AGBL1: variants seen among roughly 807,000 people sequenced by gnomAD.
The protein encoded by AGBL1 is AGBL carboxypeptidase 1.
Under a neutral mutation model 118.9 loss-of-function variants are expected in AGBL1, and 130 were observed. That is an observed-to-expected ratio of 1.09 (90% CI 0.95 to 1.26). AGBL1 has a LOEUF of 1.26. Among genes scored for constraint, AGBL1 ranks in the 50% most tolerant of loss-of-function variants. The pLI is 0.00. For synonymous variants in AGBL1, 555 were observed against 478.9 expected (o/e 1.16, Z -2.08); for missense variants, 1,584 against 1,298.1 (o/e 1.22, Z -3.38).
At chr15:86,976,007 T>A (rs2081173139) in intron 23 of AGBL1, among the ~76,000 whole-genome samples, 1 of 152,146 alleles carries the variant, frequency 6.6e-6, no homozygotes, top group South Asian at 2.1e-4. Context: ...AATGAATAAC[T>A]GAGTAAATAA....
intron 22 of AGBL1, among the ~76,000 whole-genome samples, chr15:86,805,199 T>C (rs759896206): frequency 1.3e-5 from 2 of 152,060 alleles, no homozygotes; most frequent in African/African-American, 2.4e-5. Flanking sequence ...TTTTCTTTTT[T>C]TTTTTCCTAT....
At chr15:86,846,971 T>A (rs2079328699) in intron 22 of AGBL1, among the ~76,000 whole-genome samples, 1 of 152,232 alleles carries the variant, frequency 6.6e-6, no homozygotes, top group Non-Finnish European at 1.5e-5. Flanking sequence ...CTTTTTATTC[T>A]CTGTTCTTCA....
Position 86,374,551 on chromosome 15 carries a change from T to C in AGBL1, c.2375-22815T>C, listed in dbSNP as rs116549370. On this transcript the variant is annotated intron_variant, in intron 17 of 22. Transcript: ENST00000614907. Reference sequence around the variant, plus strand: ...GTCCCTCTGGCCATGACAACAATGATTGGAGTTAGAGCACAGTCTGTGGAA... The same window carrying C: ...GTCCCTCTGGCCATGACAACAATGACTGGAGTTAGAGCACAGTCTGTGGAA... Among the ~76,000 whole-genome samples, 266 of 152,304 alleles carry C rather than the reference T, an allele frequency of 1.7e-3. 1 individual carries two copies. The highest frequency in any genetic ancestry group is 6.0e-3 in the African/African-American group (248 of 41,566).
intron 23 of AGBL1, among the ~76,000 whole-genome samples, chr15:86,963,770 C>T (rs1311026054): frequency 6.6e-6 from 1 of 151,736 alleles, no homozygotes; most frequent in Non-Finnish European, 1.5e-5. Context: ...AACCACTGTT[C>T]AATGATTTTT....
In AGBL1 at chr15:86,641,082, G is replaced by C. The variant is rs558479189; in HGVS notation, c.2995-33191G>C. Among the ~76,000 whole-genome samples the C allele has an allele frequency of 1.8e-4, 28 of 151,780 alleles. No homozygotes were observed. In the South Asian group the frequency reaches 5.2e-3, roughly 28 times the overall value. ...AGTCCTAATGTTTTCCTTCTTAATT[G>C]ATAAAAGATCTTTAATAGCTTATTT... On this transcript the variant is annotated intron_variant, in intron 21 of 22. Transcript: ENST00000614907.
intron 22 of AGBL1, among the ~76,000 whole-genome samples, chr15:86,870,626 C>G (rs2079713629): frequency 6.6e-6 from 1 of 151,814 alleles, no homozygotes; most frequent in African/African-American, 2.4e-5. Flanking sequence ...AGATTTATTT[C>G]AGACATATTT....
intron 18 of AGBL1, among the ~76,000 whole-genome samples, chr15:86,406,289 G>A (rs903312302): frequency 4.6e-5 from 7 of 152,182 alleles, no homozygotes; most frequent in Admixed American, 4.6e-4. Flanking sequence ...TCTGAGCACT[G>A]TAGTCTGCAG....
intron 18 of AGBL1, among the ~76,000 whole-genome samples, chr15:86,438,989 T>G (rs1280980058): frequency 6.6e-6 from 1 of 152,012 alleles, no homozygotes; most frequent in African/African-American, 2.4e-5. Context: ...CTGGCATCTC[T>G]CCCTCCTCCA....
chr15:86,441,256 G>C (rs887301590), intron 18 of AGBL1, among the ~76,000 whole-genome samples: 4 of 152,098 alleles, frequency 2.6e-5, no homozygotes, highest in African/African-American at 9.7e-5. Context: ...ACTTGTTGTT[G>C]AAGAACCCTT....
At chr15:86,394,384 CAT>C (rs1407551589) in intron 17 of AGBL1, among the ~76,000 whole-genome samples, 1 of 152,136 alleles carries the variant, frequency 6.6e-6, no homozygotes, top group South Asian at 2.1e-4. Context: ...CTAAAACACA[CAT>C]GTCAAATATC....
At chr15:86,572,793 C>T (rs967043901) in intron 21 of AGBL1, among the ~76,000 whole-genome samples, 2 of 152,214 alleles carry the variant, frequency 1.3e-5, no homozygotes, top group Admixed American at 1.3e-4. Context: ...CTGCTCTGGA[C>T]GGCCCGCCCC....
At chr15:86,826,784 G>A (rs1042690052) in intron 22 of AGBL1, among the ~76,000 whole-genome samples, 1 of 152,046 alleles carries the variant, frequency 6.6e-6, no homozygotes, top group Non-Finnish European at 1.5e-5. Flanking sequence ...GGCTAGATAT[G>A]ACCATTGGAA....
At chr15:86,716,604 C>T (rs575603864) in intron 22 of AGBL1, among the ~76,000 whole-genome samples, 35 of 152,152 alleles carry the variant, frequency 2.3e-4, no homozygotes, top group Non-Finnish European at 4.7e-4. Flanking sequence ...AAAAAGCTCA[C>T]GGCTATCTCC....
intron 21 of AGBL1, among the ~76,000 whole-genome samples, chr15:86,670,585 CAA>C (rs2085724895): frequency 8.0e-6 from 1 of 125,778 alleles, no homozygotes; most frequent in South Asian, 2.8e-4. Flanking sequence ...GCCTGGGTGA[CAA>C]GAGTGAAACT....
At chr15:86,306,941 C>T (rs1191146083) in intron 17 of AGBL1, among the ~76,000 whole-genome samples, 1 of 152,096 alleles carries the variant, frequency 6.6e-6, no homozygotes, top group Non-Finnish European at 1.5e-5. Flanking sequence ...TTTTCATGTA[C>T]CTGTTTGCCA....
chr15:86,887,531 G>T (rs2079988416), intron 22 of AGBL1, among the ~76,000 whole-genome samples: 1 of 152,170 alleles, frequency 6.6e-6, no homozygotes, highest in South Asian at 2.1e-4. Flanking sequence ...TTAGTTCCTA[G>T]CATGTACAGG....
At chr15:86,275,790 A>C (rs2079241474) in intron 15 of AGBL1, among the ~76,000 whole-genome samples, 1 of 152,130 alleles carries the variant, frequency 6.6e-6, no homozygotes, top group Non-Finnish European at 1.5e-5. Context: ...CTTCAAGATC[A>C]CTCCTGATTT....
chr15:86,978,319 T>A (rs1349597202), intron 23 of AGBL1, among the ~76,000 whole-genome samples: 1 of 152,188 alleles, frequency 6.6e-6, no homozygotes, highest in East Asian at 1.9e-4. Context: ...ATTGACCAGA[T>A]AGCACAAAGC....
At chr15:86,411,117 C>G (rs2081613809) in intron 18 of AGBL1, among the ~76,000 whole-genome samples, 1 of 150,960 alleles carries the variant, frequency 6.6e-6, no homozygotes, top group Non-Finnish European at 1.5e-5. Flanking sequence ...ATAGATTTAA[C>G]TGGCACCTTG....
Sources: gnomAD v4.1 joint callset for allele counts (sites outside exome capture counted in the v4.1 genomes callset) on GRCh38, gnomAD v4.1.1 for gene constraint, MANE v1.5 for transcripts, NCBI Gene and HGNC (gene_info 2026-07-23, HGNC 2026-07-21) for gene names.